Variants in DMD observed in about 807,000 individuals in gnomAD.
The protein encoded by DMD is mutant dystrophin.
A neutral mutation model predicts 330.1 loss-of-function variants in DMD; 63 were observed. The observed-to-expected ratio is 0.19, with a 90% CI of 0.16 to 0.24. The LOEUF (loss-of-function observed/expected upper bound fraction) is 0.24, where lower values mean the gene tolerates loss of function less well. Among genes scored for constraint, DMD ranks in the 10% least tolerant of loss-of-function variants. The pLI is 1.00. For missense variants in DMD, 3,344 were observed against 2,684.1 expected (o/e 1.25, Z -5.43); for synonymous variants, 1,223 against 959.8 (o/e 1.27, Z -5.07).
intron 1 of DMD, among the ~76,000 whole-genome samples, chrX:33,046,604 T>G (rs1164619774): frequency 3.6e-5 from 4 of 112,247 alleles, no homozygotes; most frequent in Non-Finnish European, 7.5e-5. Flanking sequence ...AGTGACTGAC[T>G]GGGGGCTCAA....
At chrX:32,291,724 A>C (rs2097470445) in intron 42 of DMD, among the ~76,000 whole-genome samples, 1 of 111,821 alleles carries the variant, frequency 8.9e-6, no homozygotes, top group African/African-American at 3.2e-5. Context: ...TGATCAGTTC[A>C]ATTTTGGACA....
At chrX:31,826,344 T>G (rs1425191772) in intron 49 of DMD, among the ~76,000 whole-genome samples, 1 of 112,566 alleles carries the variant, frequency 8.9e-6, no homozygotes, top group Non-Finnish European at 1.9e-5. Context: ...ATTTCCAATC[T>G]TTTATAATTA....
chrX:32,930,227 T>C (rs1187339660), intron 2 of DMD, among the ~76,000 whole-genome samples: 1 of 111,167 alleles, frequency 9.0e-6, no homozygotes, highest in African/African-American at 3.3e-5. Flanking sequence ...CCAGAATAGT[T>C]GTATAGGTCC....
chrX:32,769,862 C>A (rs1286786666), intron 7 of DMD, among the ~76,000 whole-genome samples: 2 of 110,050 alleles, frequency 1.8e-5, no homozygotes, highest in African/African-American at 6.6e-5. Flanking sequence ...GACATTTTAT[C>A]TTTGAAATAT....
chrX:33,336,673 A>T (rs1254832845), intron 1 of DMD, among the ~76,000 whole-genome samples: 2 of 111,835 alleles, frequency 1.8e-5, no homozygotes, highest in African/African-American at 6.5e-5. Flanking sequence ...CTAATTCTGG[A>T]TTTAAAAATA....
At chrX:31,327,744 T>C (rs1481118558) in intron 61 of DMD, among the ~76,000 whole-genome samples, 1 of 112,212 alleles carries the variant, frequency 8.9e-6, no homozygotes. Context: ...GAGGATCTAC[T>C]AGACTTGTTT....
chrX:32,220,651 T>C (rs1304330459), intron 43 of DMD, among the ~76,000 whole-genome samples: 1 of 110,971 alleles, frequency 9.0e-6, no homozygotes, highest in African/African-American at 3.3e-5. Flanking sequence ...AAAAAATATA[T>C]ATATATTTTT....
rs1423166748 is a variant in DMD, at chrX:32,689,021, A to T, written c.960+8849T>A. Among the ~76,000 whole-genome samples the T allele has an allele frequency of 2.7e-5, 3 of 111,055 alleles. No homozygotes were observed. In the Admixed American group the frequency reaches 2.9e-4, roughly 11 times the overall value. On this transcript the variant is annotated intron_variant, in intron 9 of 78. Coordinates refer to ENST00000357033, the MANE Select transcript of DMD (RefSeq NM_004006.3). ...CCATTTGTGGAGTTACATCTTTGTA[A>T]GATTTTTTTGAAGATCAGAAATAAT...
chrX:32,080,622 A>G (rs998534417), intron 44 of DMD, among the ~76,000 whole-genome samples: 3 of 111,992 alleles, frequency 2.7e-5, no homozygotes, highest in East Asian at 2.8e-4. Flanking sequence ...CAATGTTGTC[A>G]TAAGAAGGAA....
rs868790053 is a variant in DMD, at chrX:33,304,297, G to C, written c.7+34962C>G. 6.2e-3 allele frequency among the ~76,000 whole-genome samples: 688 copies of C among 110,267 alleles called. 11 individuals carry two copies. The highest frequency in any genetic ancestry group is 0.019 in the African/African-American group (565 of 30,346). The stretch of plus-strand genomic sequence containing the variant: ...ACTATCTGATCTTTGACAAACCTGA[G>C]AAAAACAAGCAATGGGGAAAGGATT... On this transcript the variant is annotated intron_variant, in intron 1 of 17. Transcript: ENST00000288447.
chrX:32,917,363 A>G, intron 2 of DMD, among the ~76,000 whole-genome samples: 1 of 111,771 alleles, frequency 8.9e-6, no homozygotes, highest in Middle Eastern at 4.7e-3. Flanking sequence ...AACATGTAAC[A>G]CGAAAATATG....
chrX:31,251,000 T>C lies in DMD; in HGVS notation c.9286+9955A>G, dbSNP rs373462509. Among the ~76,000 whole-genome samples the C allele has an allele frequency of 3.6e-4, 39 of 109,050 alleles. No individual in the cohort carries two copies. In the East Asian group the frequency reaches 0.01, roughly 29 times the overall value. 94.7% of individuals were successfully genotyped at this position (109,050 alleles called of 115,157 possible). A position where few individuals can be genotyped will look rare whatever the true frequency, so the allele number is the denominator to read the frequency against. The stretch of plus-strand genomic sequence containing the variant: ...GGGAGGCTGAGGCAGGAAAATCGCT[T>C]GAACCCGGGAGGCAGAGTTTGCAGT... On this transcript the variant is annotated intron_variant, in intron 63 of 78. Coordinates refer to ENST00000357033, the MANE Select transcript of DMD (RefSeq NM_004006.3).
chrX:32,365,838 C>T (rs1053918890), intron 34 of DMD, among the ~76,000 whole-genome samples: 15 of 111,506 alleles, frequency 1.3e-4, no homozygotes, highest in African/African-American at 4.6e-4. Context: ...GTAGTGATGA[C>T]GAGCATAACT....
intron 1 of DMD, among the ~76,000 whole-genome samples, chrX:33,135,759 T>A (rs1409542325): frequency 1.8e-5 from 2 of 112,152 alleles, no homozygotes; most frequent in East Asian, 5.6e-4. Flanking sequence ...TTCACATTTT[T>A]AAAATGGTCT....
chrX:31,607,956 T>C (rs1292991331), intron 55 of DMD, among the ~76,000 whole-genome samples: 1 of 112,388 alleles, frequency 8.9e-6, no homozygotes, highest in African/African-American at 3.2e-5. Flanking sequence ...AAACATTTAA[T>C]TATCTAGCTT....
In DMD at chrX:32,447,004, C is replaced by T. The variant is rs72626040; in HGVS notation, c.3786+1452G>A. Among the ~76,000 whole-genome samples, 84 of 110,335 alleles carry T rather than the reference C, an allele frequency of 7.6e-4. 1 individual carries two copies. In the East Asian group the frequency reaches 0.019, roughly 25 times the overall value. On this transcript the variant is annotated intron_variant, in intron 27 of 78. Transcript: ENST00000357033. ...ATACGAAAACTTAAGAAAATCCCTT[C>T]GGAAAATGTACTCCAATATAAATTT...
intron 44 of DMD, among the ~76,000 whole-genome samples, chrX:32,125,436 G>A (rs147834343): frequency 2.9e-3 from 324 of 111,780 alleles, no homozygotes; most frequent in Admixed American, 4.9e-3. Context: ...GGGTTTGAAG[G>A]ACAAGGTCGA....
intron 29 of DMD, among the ~76,000 whole-genome samples, chrX:32,414,101 A>G (rs908619564): frequency 9.0e-6 from 1 of 111,552 alleles, no homozygotes; most frequent in Non-Finnish European, 1.9e-5. Context: ...TGCTCTAGCT[A>G]TACAGAAATT....
chrX:31,592,016 A>G (rs779763242), intron 55 of DMD, among the ~76,000 whole-genome samples: 1 of 110,728 alleles, frequency 9.0e-6, no homozygotes, highest in South Asian at 3.8e-4. Context: ...GCAGTTATCC[A>G]CTGCATATTC....
Sources: allele counts gnomAD v4.1 joint callset (sites outside exome capture counted in the v4.1 genomes callset), GRCh38; gene constraint gnomAD v4.1.1; transcripts MANE v1.5; gene names NCBI Gene and HGNC (gene_info 2026-07-23, HGNC 2026-07-21).